NRCAM: variants seen among roughly 807,000 people sequenced by gnomAD.
NRCAM encodes the protein neuronal cell adhesion molecule.
A neutral mutation model predicts 156.5 loss-of-function variants in NRCAM; 83 were observed. That is an observed-to-expected ratio of 0.53 (90% CI 0.44 to 0.64). The LOEUF is 0.64. Among genes scored for constraint, NRCAM ranks in the 30% least tolerant of loss-of-function variants. The pLI is 0.00. For missense variants in NRCAM, 1,417 were observed against 1,597.3 expected (o/e 0.89, Z 1.92); for synonymous variants, 538 against 563.9 (o/e 0.95, Z 0.65).
Position 108,148,467 on chromosome 7 carries a change from T to G in NRCAM, c.*1443A>C, listed in dbSNP as rs2039831800. On this transcript the variant is annotated 3_prime_UTR_variant, in exon 33 of 33. Coordinates refer to ENST00000379028, the MANE Select transcript of NRCAM (RefSeq NM_001037132.4). The stretch of plus-strand genomic sequence containing the variant: ...ATTTATTGGCAAATGAAACTGAGCA[T>G]TCCTTCAACCATAGGTTGTTATAGA... 6.5e-6 allele frequency: 1 copy of G among 152,680 alleles called. No individual in the cohort carries two copies. Among genetic ancestry groups the G allele is most frequent in the East Asian group, 1.9e-4 (1 of 5,204 alleles). The allele number at this position is 152,680 out of a possible 1,614,324, so 9.5% of individuals were successfully genotyped here.
intron 3 of NRCAM, among the ~76,000 whole-genome samples, chr7:108,278,610 A>G (rs966042093): frequency 2.2e-4 from 33 of 152,360 alleles, no homozygotes; most frequent in Middle Eastern, 3.4e-3. Context: ...AGACCATAGG[A>G]AAAGCACAGT....
At chr7:108,344,177 G>A (rs1450315206) in intron 2 of NRCAM, among the ~76,000 whole-genome samples, 2 of 152,156 alleles carry the variant, frequency 1.3e-5, no homozygotes. Context: ...TGAGAGACAG[G>A]ACTAGCTGGA....
At chr7:108,385,060 T>C (rs1461667913) in intron 2 of NRCAM, among the ~76,000 whole-genome samples, 1 of 152,188 alleles carries the variant, frequency 6.6e-6, no homozygotes, top group Non-Finnish European at 1.5e-5. Context: ...AGAACTAGAC[T>C]CAAAATCTGT....
Position 108,285,963 on chromosome 7 carries a change from T to C in NRCAM, c.-107+26702A>G, listed in dbSNP as rs555227590. Reference sequence around the variant, plus strand: ...CATATGTTTCATTCCTTCAGAATAGTAGTCAGCAAACAGTTTCTGGAAAGG... The same window carrying C: ...CATATGTTTCATTCCTTCAGAATAGCAGTCAGCAAACAGTTTCTGGAAAGG... On this transcript the variant is annotated intron_variant, in intron 3 of 32. Coordinates refer to ENST00000379028, the MANE Select transcript of NRCAM (RefSeq NM_001037132.4). Among the ~76,000 whole-genome samples, 3 of 152,318 alleles carry C rather than the reference T, an allele frequency of 2.0e-5. No homozygotes were observed. The South Asian group carries it at 6.2e-4, about 32-fold the overall frequency.
At chr7:108,348,264 G>A (rs1003042217) in intron 2 of NRCAM, among the ~76,000 whole-genome samples, 2 of 152,150 alleles carry the variant, frequency 1.3e-5, no homozygotes, top group African/African-American at 4.8e-5. Flanking sequence ...ATGTGTGGGA[G>A]ACACAGTGAT....
chr7:108,232,255 G>A (rs938610945), intron 7 of NRCAM, 71 bp downstream of exon 7: 160 of 1,096,062 alleles, frequency 1.5e-4, no homozygotes, highest in Non-Finnish European at 5.8e-5. Context: ...GTATTTGGAT[G>A]ATGTCACAGA....
chr7:108,280,350 C>T (rs1241191654), intron 3 of NRCAM, among the ~76,000 whole-genome samples: 3 of 152,236 alleles, frequency 2.0e-5, no homozygotes, highest in Admixed American at 1.3e-4. Context: ...CTGCCAAGGA[C>T]GATTGCCAAT....
chr7:108,356,983 G>A (rs935977511), intron 2 of NRCAM, among the ~76,000 whole-genome samples: 1 of 152,120 alleles, frequency 6.6e-6, no homozygotes, highest in Non-Finnish European at 1.5e-5. Context: ...TCTTTTCTCT[G>A]TATTCTCTGC....
At chr7:108,174,316 G>T (rs2059660680) in intron 28 of NRCAM, among the ~76,000 whole-genome samples, 1 of 152,176 alleles carries the variant, frequency 6.6e-6, no homozygotes, top group Non-Finnish European at 1.5e-5. Flanking sequence ...CTGAATATAA[G>T]CAAATTTCTA....
chr7:108,383,155 C>A (rs1338967003), intron 2 of NRCAM, among the ~76,000 whole-genome samples: 1 of 149,184 alleles, frequency 6.7e-6, no homozygotes, highest in Non-Finnish European at 1.5e-5. Flanking sequence ...CACACACACA[C>A]CCCTTGGTGT....
At chr7:108,343,884 T>C (rs927666489) in intron 2 of NRCAM, among the ~76,000 whole-genome samples, 2 of 152,178 alleles carry the variant, frequency 1.3e-5, no homozygotes, top group Non-Finnish European at 2.9e-5. Context: ...TCCCTGTATC[T>C]TTAACCTCCT....
At chr7:108,279,807 A>G (rs2097784275) in intron 3 of NRCAM, among the ~76,000 whole-genome samples, 1 of 151,914 alleles carries the variant, frequency 6.6e-6, no homozygotes, top group South Asian at 2.1e-4. Flanking sequence ...TGATCCTCCC[A>G]TCTCAGCCTC....
Position 108,209,486 on chromosome 7 carries a change from T to C in NRCAM, c.1010A>G (p.Asn337Ser), listed in dbSNP as rs1418250575. 6.2e-7 allele frequency: 1 copy of C among 1,612,076 alleles called. No homozygotes were observed. Among genetic ancestry groups the C allele is most frequent in the Middle Eastern group, 1.7e-4 (1 of 6,054 alleles). ...IIHVSEADSG[N>S]YQCIAKNALG... Reference sequence around the variant, plus strand: ...TGCGTTTTTTGCTATACATTGGTAATTTCCAGAGTCTGCTTCTGAAACATG... The same window carrying C: ...TGCGTTTTTTGCTATACATTGGTAACTTCCAGAGTCTGCTTCTGAAACATG... Residue 337 changes from asparagine to serine, a missense_variant, in exon 12 of 33, where the codon AAT becomes AGT. By Grantham distance (46) the Asn-to-Ser change is conservative (BLOSUM62 1). Coordinates refer to ENST00000379028, the MANE Select transcript of NRCAM (RefSeq NM_001037132.4).
chr7:108,388,497 C>A (rs1244748981), intron 2 of NRCAM, among the ~76,000 whole-genome samples: 2 of 152,104 alleles, frequency 1.3e-5, no homozygotes, highest in African/African-American at 4.8e-5. Flanking sequence ...AATTTTCTCC[C>A]ATTCTGTAGG....
At chr7:108,421,631 A>G (rs1809997026) in intron 1 of NRCAM, among the ~76,000 whole-genome samples, 1 of 152,210 alleles carries the variant, frequency 6.6e-6, no homozygotes, top group South Asian at 2.1e-4. Flanking sequence ...ATACAAAATG[A>G]TGTCAATTCT....
intron 32 of NRCAM, among the ~76,000 whole-genome samples, chr7:108,152,278 C>A (rs2042107125): frequency 6.6e-6 from 1 of 151,894 alleles, no homozygotes; most frequent in Admixed American, 6.6e-5. Flanking sequence ...TGGTCAACAA[C>A]TTTAAAAGAG....
At chr7:108,272,431 G>C (rs1018703239) in intron 3 of NRCAM, among the ~76,000 whole-genome samples, 1 of 152,104 alleles carries the variant, frequency 6.6e-6, no homozygotes, top group Admixed American at 6.5e-5. Context: ...TTATCCAAAA[G>C]CTCTGAAAAA....
intron 2 of NRCAM, among the ~76,000 whole-genome samples, chr7:108,319,554 T>A (rs1192892938): frequency 6.6e-6 from 1 of 152,172 alleles, no homozygotes; most frequent in Non-Finnish European, 1.5e-5. Context: ...AAGCTTATGG[T>A]CAATGGCAGA....
At chr7:108,337,858 G>A (rs1025700012) in intron 2 of NRCAM, among the ~76,000 whole-genome samples, 13 of 152,284 alleles carry the variant, frequency 8.5e-5, no homozygotes, top group African/African-American at 3.1e-4. Context: ...GACCACGAAG[G>A]GACCTCCAAA....
Sources: allele counts gnomAD v4.1 joint callset (sites outside exome capture counted in the v4.1 genomes callset), GRCh38; gene constraint gnomAD v4.1.1; transcripts MANE v1.5; gene names NCBI Gene and HGNC (gene_info 2026-07-23, HGNC 2026-07-21).